GAS7: variants seen among roughly 807,000 people sequenced by gnomAD.
GAS7 encodes the protein growth arrest-specific protein 7.
GAS7 carries 28 observed loss-of-function variants against 71.1 expected under a neutral mutation model. That is an observed-to-expected ratio of 0.39 (90% CI 0.29 to 0.54). The LOEUF (loss-of-function observed/expected upper bound fraction) is 0.54. GAS7 is among the 20% of genes least tolerant of loss of function. The probability of loss-of-function intolerance (pLI) is 0.62; values close to 1 mark genes in which losing one functional copy is unlikely to be tolerated. For missense variants in GAS7, 436 were observed against 627.8 expected (o/e 0.69, Z 3.27); for synonymous variants, 258 against 245.8 (o/e 1.05, Z -0.46).
intron 1 of GAS7, among the ~76,000 whole-genome samples, chr17:10,191,788 T>C (rs1047730965): frequency 1.4e-5 from 2 of 144,656 alleles, no homozygotes; most frequent in African/African-American, 5.2e-5. Context: ...GGCAGGAGAA[T>C]CACTTGAACC....
chr17:10,045,785 A>G (rs11650065), intron 1 of GAS7, among the ~76,000 whole-genome samples: 23,268 of 152,166 alleles, frequency 0.15, 1,899 homozygotes, highest in Middle Eastern at 0.21. Flanking sequence ...AAGAGATCCC[A>G]CAGCTTGGTT....
At chr17:9,949,032 G>A (rs1451659880) in intron 5 of GAS7, among the ~76,000 whole-genome samples, 1 of 152,230 alleles carries the variant, frequency 6.6e-6, no homozygotes, top group African/African-American at 2.4e-5. Context: ...GGGTGTGCAA[G>A]CCAGTGAGGT....
chr17:10,131,886 A>C (rs1226185546), intron 1 of GAS7, among the ~76,000 whole-genome samples: 1 of 152,234 alleles, frequency 6.6e-6, no homozygotes, highest in Non-Finnish European at 1.5e-5. Context: ...GTGCTCATGA[A>C]TGCATGAAAA....
intron 1 of GAS7, among the ~76,000 whole-genome samples, chr17:10,121,385 A>C (rs1394125046): frequency 6.6e-6 from 1 of 152,274 alleles, no homozygotes; most frequent in East Asian, 1.9e-4. Flanking sequence ...TGCCTCAAAA[A>C]ACAAATAAAA....
intron 1 of GAS7, among the ~76,000 whole-genome samples, chr17:10,138,674 G>A (rs1258743696): frequency 1.3e-5 from 2 of 152,132 alleles, no homozygotes; most frequent in Non-Finnish European, 2.9e-5. Context: ...GGCTGAGGCA[G>A]GAGAATCGCT....
At chr17:10,131,612 ACT>A (rs2073997918) in intron 1 of GAS7, among the ~76,000 whole-genome samples, 1 of 152,154 alleles carries the variant, frequency 6.6e-6, no homozygotes, top group Non-Finnish European at 1.5e-5. Context: ...ACAGAGCGAG[ACT>A]CTGTCTCAAA....
intron 1 of GAS7, among the ~76,000 whole-genome samples, chr17:10,109,352 C>T (rs1597797108): frequency 6.6e-6 from 1 of 152,228 alleles, no homozygotes; most frequent in South Asian, 2.1e-4. Context: ...AACATAATAA[C>T]CTCCAGTTCC....
At chr17:10,058,748 C>T (rs980679774) in intron 1 of GAS7, among the ~76,000 whole-genome samples, 1 of 152,208 alleles carries the variant, frequency 6.6e-6, no homozygotes, top group Non-Finnish European at 1.5e-5. Context: ...TAGGTTCACA[C>T]TGGCCGTAAC....
At chr17:9,924,985 C>T (rs546816444) in intron 11 of GAS7, among the ~76,000 whole-genome samples, 14 of 152,208 alleles carry the variant, frequency 9.2e-5, no homozygotes, top group Non-Finnish European at 1.9e-4. Context: ...TTTCTTTAAA[C>T]AAAGTGTCAG....
At chr17:10,161,324 G>C (rs2142119100) in intron 1 of GAS7, among the ~76,000 whole-genome samples, 1 of 152,228 alleles carries the variant, frequency 6.6e-6, no homozygotes, top group South Asian at 2.1e-4. Flanking sequence ...GTAGTGAGAG[G>C]GATTTAGGAG....
Position 9,919,229 on chromosome 17 carries a change from GCAAGGATCTCCTAC to G in GAS7, c.1218+383_1218+396del, listed in dbSNP as rs1182920326. Among the ~76,000 whole-genome samples, 1 of 152,106 alleles carries G rather than the reference GCAAGGATCTCCTAC, an allele frequency of 6.6e-6. No individual in the cohort carries two copies. The highest frequency in any genetic ancestry group is 2.4e-5 in the African/African-American group (1 of 41,414). On this transcript the variant is annotated intron_variant, in intron 12 of 13. Transcript: ENST00000432992. This position sits in a 1 kb window ranked among gnomAD's most constrained non-coding sequence, Gnocchi z 5.0. ...CCATCCTCACCCATCCATCCACTTT[GCAAGGATCTCCTAC>G]CAAGGACCTGCAACTCGTGTGTGTG...
At chr17:10,100,123 G>A (rs1371446929) in intron 1 of GAS7, among the ~76,000 whole-genome samples, 2 of 152,140 alleles carry the variant, frequency 1.3e-5, no homozygotes, top group African/African-American at 2.4e-5. Flanking sequence ...AAGACTCAGT[G>A]GAATTATTCG....
At chr17:10,107,328 C>G (rs1359247084) in intron 1 of GAS7, among the ~76,000 whole-genome samples, 5 of 143,548 alleles carry the variant, frequency 3.5e-5, no homozygotes. Flanking sequence ...GCCCCAGGTT[C>G]AAGAGGCCAA....
intron 1 of GAS7, among the ~76,000 whole-genome samples, chr17:10,083,498 T>C (rs958919495): frequency 2.6e-5 from 4 of 152,230 alleles, no homozygotes; most frequent in Non-Finnish European, 5.9e-5. Context: ...GCCCAGGGCA[T>C]GCTATCTGCC....
chr17:10,050,698 C>T (rs971332578), intron 1 of GAS7, among the ~76,000 whole-genome samples: 11 of 152,110 alleles, frequency 7.2e-5, no homozygotes, highest in East Asian at 5.8e-4. Flanking sequence ...GCAAACCCCA[C>T]GAAAGGAAGG....
chr17:10,118,395 C>T (rs897367029), intron 1 of GAS7, among the ~76,000 whole-genome samples: 1 of 152,130 alleles, frequency 6.6e-6, no homozygotes, highest in Non-Finnish European at 1.5e-5. Context: ...GGGGCCCTCA[C>T]TGCCCTGCCA....
chr17:9,950,897 T>G (rs1345181184), intron 5 of GAS7, among the ~76,000 whole-genome samples: 2 of 150,076 alleles, frequency 1.3e-5, no homozygotes, highest in African/African-American at 4.9e-5. Flanking sequence ...TCTAAAAAAT[T>G]AGCACTGTGA....
chr17:10,002,896 C>T (rs1006646769), intron 2 of GAS7, among the ~76,000 whole-genome samples: 13 of 152,172 alleles, frequency 8.5e-5, no homozygotes, highest in African/African-American at 2.9e-4. Context: ...TTTATAGCAG[C>T]ATGATTCATA....
At chr17:10,149,539 T>C (rs540474210) in intron 1 of GAS7, among the ~76,000 whole-genome samples, 2 of 152,328 alleles carry the variant, frequency 1.3e-5, no homozygotes, top group East Asian at 3.9e-4. Flanking sequence ...TAGAAACAGT[T>C]TGGCAGTTCT....
Sources: gnomAD v4.1 joint callset for allele counts (sites outside exome capture counted in the v4.1 genomes callset) on GRCh38, gnomAD v4.1.1 for gene constraint, Gnocchi (gnomAD v3.1) non-coding constraint, MANE v1.5 for transcripts, NCBI Gene and HGNC (gene_info 2026-07-23, HGNC 2026-07-21) for gene names.